The following ADGRL1 variants were observed in gnomAD, a reference collection of about 807,000 sequenced individuals.
ADGRL1 encodes the protein adhesion G protein-coupled receptor L1, also known as CIRL-1.
ADGRL1 carries 31 observed loss-of-function variants against 148.9 expected under a neutral mutation model. The ratio of observed to expected loss-of-function variants is 0.21; its 90% CI spans 0.16 to 0.28. ADGRL1 has a LOEUF of 0.28. Ranked by LOEUF, ADGRL1 falls within the 10% of genes least tolerant of loss-of-function variation. The probability of loss-of-function intolerance (pLI) is 1.00; values close to 1 mark genes in which losing one functional copy is unlikely to be tolerated. For missense variants in ADGRL1, 1,521 were observed against 2,058.8 expected (o/e 0.74, Z 5.05); for synonymous variants, 937 against 900.3 (o/e 1.04, Z -0.73).
intron 1 of ADGRL1, among the ~76,000 whole-genome samples, chr19:14,191,946 C>T (rs1033983534): frequency 3.9e-5 from 6 of 152,132 alleles, no homozygotes; most frequent in African/African-American, 1.2e-4. Flanking sequence ...GATCTTCCTG[C>T]CTTGGCCTCC....
intron 4 of ADGRL1, chr19:14,169,797 G>C (rs1034862065): frequency 2.0e-5 from 3 of 152,384 alleles, no homozygotes; most frequent in African/African-American, 7.2e-5. Flanking sequence ...CATTGTGGGA[G>C]GAGAAGGGAA....
intron 1 of ADGRL1, among the ~76,000 whole-genome samples, chr19:14,199,384 G>A (rs1195198510): frequency 6.6e-6 from 1 of 151,922 alleles, no homozygotes; most frequent in Non-Finnish European, 1.5e-5. Flanking sequence ...ATAAAGCCAG[G>A]AAAAGTGGCT....
rs1968595897 is a variant in ADGRL1 at position 14,155,185 on chromosome 19, C to T, written c.3294+174G>A. 1.3e-5 allele frequency: 9 copies of T among 667,904 alleles called. No homozygotes were observed. The highest frequency in any genetic ancestry group is 2.0e-5 in the Non-Finnish European group (8 of 401,228). The allele number at this position is 667,904 out of a possible 1,614,324, so 41.4% of individuals were successfully genotyped here. On this transcript the variant is annotated intron_variant, in intron 18 of 22. Coordinates refer to ENST00000361434, the MANE Select transcript of ADGRL1 (RefSeq NM_014921.5). This position sits in a 1 kb window ranked among gnomAD's most constrained non-coding sequence, Gnocchi z 5.0. ...TCACCCGTGGTTAAACCCTCCCTAA[C>T]CCTGAGCTCGTGCTCCCCTCCCGGT...
rs1342237585 is a variant in ADGRL1, at chr19:14,155,903, C to T, written c.3125+207G>A. 2 of 590,992 alleles carry T rather than the reference C, an allele frequency of 3.4e-6. No individual in the cohort carries two copies. Among genetic ancestry groups the T allele is most frequent in the African/African-American group, 3.7e-5 (2 of 53,808 alleles). 36.6% of individuals were successfully genotyped at this position (590,992 alleles called of 1,614,324 possible). On this transcript the variant is annotated intron_variant, in intron 17 of 22. Coordinates refer to ENST00000361434, the MANE Select transcript of ADGRL1 (RefSeq NM_014921.5). The surrounding 1 kb of genome is among the most constrained non-coding windows in gnomAD (Gnocchi z 5.0). ...CTACATACCGATGCCCCTAAAACCA[C>T]AGGTTGGACGTGCTAATGATACGCT...
In ADGRL1 at chr19:14,160,573, C is replaced by A. The variant is rs372890066; in HGVS notation, c.1614+20G>T. ...GGGCCCGAGCACATGTGCCTGCCTG[C>A]GAGGGGTGGTGGCTGGTACCTTCTG... On this transcript the variant is annotated intron_variant, in intron 7 of 22. Coordinates refer to ENST00000361434, the MANE Select transcript of ADGRL1 (RefSeq NM_014921.5). The surrounding 1 kb of genome is among the most constrained non-coding windows in gnomAD (Gnocchi z 5.9). 1.3e-6 allele frequency: 2 copies of A among 1,558,518 alleles called. No homozygotes were observed. Among genetic ancestry groups the A allele is most frequent in the Non-Finnish European group, 1.7e-6 (2 of 1,145,528 alleles).
chr19:14,156,019 G>A, intron 17 of ADGRL1, 91 bp downstream of exon 17: 4 of 943,018 alleles, frequency 4.2e-6, no homozygotes, highest in Non-Finnish European at 6.6e-6. Flanking sequence ...AGAGGTGACA[G>A]CACTACCTTT....
Position 14,152,221 on chromosome 19 carries a change from T to G in ADGRL1, c.3650-71A>C. On this transcript the variant is annotated intron_variant, in intron 21 of 22. Coordinates refer to ENST00000361434, the MANE Select transcript of ADGRL1 (RefSeq NM_014921.5). The surrounding 1 kb of genome is among the most constrained non-coding windows in gnomAD (Gnocchi z 6.1). ...CTCGAAATGCAAGTCCAGGCTCCAG[T>G]TCTGGGGCACAGAACATCCCATGCA... is the stretch of plus-strand genomic sequence containing the variant. 6.2e-7 allele frequency: 1 copy of G among 1,613,990 alleles called. No individual in the cohort carries two copies. Among genetic ancestry groups the G allele is most frequent in the Non-Finnish European group, 8.5e-7 (1 of 1,179,962 alleles).
At chr19:14,200,179 C>T (rs1212603025) in intron 1 of ADGRL1, among the ~76,000 whole-genome samples, 1 of 152,198 alleles carries the variant, frequency 6.6e-6, no homozygotes, top group African/African-American at 2.4e-5. Flanking sequence ...GGTCACAGCC[C>T]GTGCAAAGGC....
At chr19:14,183,292 G>T (rs566162616) in intron 2 of ADGRL1, among the ~76,000 whole-genome samples, 1 of 152,112 alleles carries the variant, frequency 6.6e-6, no homozygotes, top group South Asian at 2.1e-4. Flanking sequence ...CAGCGGGATG[G>T]CCCCTACCAA....
chr19:14,153,480 A>G (rs1358663159), intron 18 of ADGRL1, among the ~76,000 whole-genome samples: 3 of 147,400 alleles, frequency 2.0e-5, no homozygotes, highest in African/African-American at 7.7e-5. Flanking sequence ...CAATGGTGCA[A>G]TCTTGGCTCA....
At chr19:14,198,947 C>A (rs1972434424) in intron 1 of ADGRL1, among the ~76,000 whole-genome samples, 1 of 152,190 alleles carries the variant, frequency 6.6e-6, no homozygotes, top group South Asian at 2.1e-4. Context: ...CCTTTGCACT[C>A]TGAGCTCAGC....
chr19:14,202,612 C>T (rs1219990755), intron 1 of ADGRL1, among the ~76,000 whole-genome samples: 1 of 152,136 alleles, frequency 6.6e-6, no homozygotes, highest in African/African-American at 2.4e-5. Flanking sequence ...TCCATGAGGA[C>T]AGGACATGGC....
chr19:14,173,804 G>A (rs867349361), intron 3 of ADGRL1, among the ~76,000 whole-genome samples: 4 of 151,852 alleles, frequency 2.6e-5, no homozygotes, highest in Non-Finnish European at 5.9e-5. Context: ...AAAATTAGCC[G>A]GGCGTGGTGG....
At position 14,163,296 on chromosome 19, in the gene ADGRL1, T is replaced by A; in HGVS notation, c.505A>T (p.Ile169Phe). The change falls in exon 5 of 23, where the codon ATC (isoleucine) becomes TTC (phenylalanine). Residue 169 changes from isoleucine to phenylalanine, a missense_variant. Ile to Phe is a conservative substitution (Grantham distance 21, BLOSUM62 0). Around this residue, in one of 8 missense-constraint regions of ADGRL1, gnomAD observed 334 missense variants for 512.5 expected, o/e 0.65. Coordinates refer to ENST00000361434, the MANE Select transcript of ADGRL1 (RefSeq NM_014921.5). Reference protein sequence around the residue: ...CKDPLQAGDRIYVMPWIPYRT... With the variant: ...CKDPLQAGDRFYVMPWIPYRT... ...TAGGGGATCCAGGGCATCACGTAGA[T>A]GCGGTCACCCGCCTGCAGCGGGTCC... The A allele has an allele frequency of 6.2e-7, 1 of 1,613,530 alleles. No homozygotes were observed. The highest frequency in any genetic ancestry group is 8.5e-7 in the Non-Finnish European group (1 of 1,179,980).
chr19:14,205,338 G>A (rs955882368), intron 1 of ADGRL1, among the ~76,000 whole-genome samples: 1 of 152,050 alleles, frequency 6.6e-6, no homozygotes, highest in Non-Finnish European at 1.5e-5. Flanking sequence ...GCACCACGGA[G>A]AGAAGGTGCT....
At chr19:14,203,690 T>C (rs1457841382) in intron 1 of ADGRL1, among the ~76,000 whole-genome samples, 2 of 150,246 alleles carry the variant, frequency 1.3e-5, no homozygotes, top group Non-Finnish European at 3.0e-5. Context: ...GGGCTTCGAG[T>C]CCCCCCCTTC....
rs746713337 is a variant in ADGRL1, at chr19:14,151,504, C to G, written c.3779G>C (p.Gly1260Ala). Reference protein sequence around the residue: ...RSGDFPPGDGGPEPPRGRNLA... With the variant: ...RSGDFPPGDGAPEPPRGRNLA... ...GTTCCGGCCTCGGGGCGGCTCAGGG[C>G]CCCCATCCCCGGGAGGGAAATCCCC... Residue 1260 changes from glycine to alanine, a missense_variant, in exon 23 of 23, where the codon GGC becomes GCC. Around this residue, in one of 8 missense-constraint regions of ADGRL1, gnomAD observed 390 missense variants for 375.0 expected, o/e 1.04. Coordinates refer to ENST00000361434, the MANE Select transcript of ADGRL1 (RefSeq NM_014921.5). 10 of 1,610,312 alleles carry G rather than the reference C, an allele frequency of 6.2e-6. No individual in the cohort carries two copies. The highest frequency in any genetic ancestry group is 7.6e-6 in the Non-Finnish European group (9 of 1,178,622).
At chr19:14,165,679 A>G (rs920365993) in intron 4 of ADGRL1, among the ~76,000 whole-genome samples, 1 of 128,852 alleles carries the variant, frequency 7.8e-6, no homozygotes, top group East Asian at 2.6e-4. Context: ...GCTGGGAGGG[A>G]GAGAGACTCC....
Position 14,157,233 on chromosome 19 carries a change from C to T in ADGRL1, c.2745+18G>A. On this transcript the variant is annotated intron_variant, in intron 14 of 22. Coordinates refer to ENST00000361434, the MANE Select transcript of ADGRL1 (RefSeq NM_014921.5). This position sits in a 1 kb window ranked among gnomAD's most constrained non-coding sequence, Gnocchi z 7.5. ...CCCCCAGGCGCTGGCCGTCACCTGC[C>T]CTAGAGTCCCAGCCCACCTCATACT... 1 of 1,613,966 alleles carries T rather than the reference C, an allele frequency of 6.2e-7. No individual in the cohort carries two copies. Among genetic ancestry groups the T allele is most frequent in the South Asian group, 1.1e-5 (1 of 91,074 alleles).
Sources: gnomAD v4.1 joint callset for allele counts (sites outside exome capture counted in the v4.1 genomes callset) on GRCh38, gnomAD v4.1.1 for gene constraint, gnomAD v4.1.1 regional missense constraint, Gnocchi (gnomAD v3.1) non-coding constraint, MANE v1.5 for transcripts, NCBI Gene and HGNC (gene_info 2026-07-23, HGNC 2026-07-21) for gene names.